Variants in SEC24B observed in about 807,000 individuals in gnomAD.
The protein encoded by SEC24B is SEC24 homolog B, COPII component, also known as protein transport protein Sec24B.
A neutral mutation model predicts 142.8 loss-of-function variants in SEC24B; 45 were observed. The ratio of observed to expected loss-of-function variants is 0.32; its 90% CI spans 0.25 to 0.40. The LOEUF (loss-of-function observed/expected upper bound fraction) is 0.40. Ranked by LOEUF, SEC24B falls within the 10% of genes least tolerant of loss-of-function variation. SEC24B has a pLI of 1.00. For synonymous variants in SEC24B, 574 were observed against 568.2 expected (o/e 1.01, Z -0.15); for missense variants, 1,409 against 1,526.8 (o/e 0.92, Z 1.29).
intron 2 of SEC24B, among the ~76,000 whole-genome samples, chr4:109,464,812 T>C (rs917369578): frequency 2.0e-5 from 3 of 152,234 alleles, no homozygotes; most frequent in Non-Finnish European, 4.4e-5. Context: ...GATCATCTAC[T>C]CTTTCATTGC....
chr4:109,450,012 C>T lies in SEC24B; in HGVS notation c.134-12889C>T, dbSNP rs569341125. Among the ~76,000 whole-genome samples the T allele has an allele frequency of 3.9e-5, 6 of 152,030 alleles. No individual in the cohort carries two copies. The South Asian group carries it at 1.0e-3, about 26-fold the overall frequency. ...GGAAGATTACTTGAGGCCAGGAGTT[C>T]GAGACCAGCCTGGCTAACATAGACC... is the stretch of plus-strand genomic sequence containing the variant. On this transcript the variant is annotated intron_variant, in intron 1 of 23. Transcript: ENST00000265175.
intron 1 of SEC24B, among the ~76,000 whole-genome samples, chr4:109,437,903 G>A (rs1261359296): frequency 6.6e-6 from 1 of 152,194 alleles, no homozygotes; most frequent in African/African-American, 2.4e-5. Context: ...GATTACAGAC[G>A]TGAGCCACCG....
chr4:109,537,607 A>T (rs1376188457), intron 22 of SEC24B, among the ~76,000 whole-genome samples: 9 of 152,196 alleles, frequency 5.9e-5, no homozygotes, highest in African/African-American at 1.9e-4. Flanking sequence ...GCACTTGTGT[A>T]CAGCCATTGC....
At chr4:109,443,704 T>C (rs1465025621) in intron 1 of SEC24B, among the ~76,000 whole-genome samples, 2 of 152,188 alleles carry the variant, frequency 1.3e-5, no homozygotes, top group Admixed American at 1.3e-4. Context: ...TGAACATGTG[T>C]TTCCTTCATA....
At chr4:109,442,898 G>A (rs1729071828) in intron 1 of SEC24B, among the ~76,000 whole-genome samples, 1 of 151,992 alleles carries the variant, frequency 6.6e-6, no homozygotes, top group South Asian at 2.1e-4. Context: ...TTTTTACTAG[G>A]TTTGGTAACC....
chr4:109,516,679 G>T (rs1184391413), intron 11 of SEC24B, 39 bp downstream of exon 11: 4 of 1,125,304 alleles, frequency 3.6e-6, no homozygotes, highest in Middle Eastern at 2.4e-4. Flanking sequence ...ATATGTGTAT[G>T]TTATATATAT....
At chr4:109,435,876 A>G (rs182476420) in intron 1 of SEC24B, among the ~76,000 whole-genome samples, 9 of 152,258 alleles carry the variant, frequency 5.9e-5, no homozygotes, top group South Asian at 2.1e-4. Flanking sequence ...GAGGGACTCG[A>G]CAGGTTGGGG....
chr4:109,510,528 A>G (rs2126046232), intron 8 of SEC24B, among the ~76,000 whole-genome samples: 1 of 152,276 alleles, frequency 6.6e-6, no homozygotes, highest in Non-Finnish European at 1.5e-5. Context: ...AAAGATTAGT[A>G]GTTTTGGAAG....
chr4:109,497,737 T>G (rs1424200475), intron 6 of SEC24B, among the ~76,000 whole-genome samples: 6 of 152,204 alleles, frequency 3.9e-5, no homozygotes, highest in Non-Finnish European at 5.9e-5. Flanking sequence ...GGGGTAACTT[T>G]CCAGTGTGGG....
intron 2 of SEC24B, among the ~76,000 whole-genome samples, chr4:109,466,821 T>C (rs1334805512): frequency 6.6e-6 from 1 of 152,240 alleles, no homozygotes; most frequent in Non-Finnish European, 1.5e-5. Context: ...TCAGTCATTT[T>C]ATAGAGTTGG....
intron 6 of SEC24B, among the ~76,000 whole-genome samples, chr4:109,506,127 A>C (rs1326980002): frequency 6.6e-6 from 1 of 152,186 alleles, no homozygotes; most frequent in East Asian, 1.9e-4. Flanking sequence ...TGCGAGGGTT[A>C]ACCTTGCTAA....
chr4:109,475,600 T>A (rs1733027702), intron 3 of SEC24B, among the ~76,000 whole-genome samples: 1 of 152,120 alleles, frequency 6.6e-6, no homozygotes, highest in South Asian at 2.1e-4. Flanking sequence ...AAATTTTTCA[T>A]CAAAAATTTA....
rs975941037 is a variant in SEC24B, at chr4:109,529,756, T to A, written c.3077-533T>A. On this transcript the variant is annotated intron_variant, in intron 18 of 23. Coordinates refer to ENST00000265175, the MANE Select transcript of SEC24B (RefSeq NM_006323.5). The stretch of plus-strand genomic sequence containing the variant: ...GGGGCTACATGTTTTGGGGTTTGTT[T>A]GTAGACAGGGTCTTGCTCTGTCGCC... 2.6e-5 allele frequency among the ~76,000 whole-genome samples: 4 copies of A among 152,202 alleles called. No individual in the cohort carries two copies. In the East Asian group the frequency reaches 7.7e-4, roughly 29 times the overall value.
intron 6 of SEC24B, among the ~76,000 whole-genome samples, chr4:109,496,481 T>C (rs778158398): frequency 6.6e-6 from 1 of 151,876 alleles, no homozygotes; most frequent in Non-Finnish European, 1.5e-5. Flanking sequence ...ACTAACCTTA[T>C]AGAAATTTTA....
intron 2 of SEC24B, among the ~76,000 whole-genome samples, chr4:109,468,937 A>C (rs1459820830): frequency 6.6e-6 from 1 of 152,078 alleles, no homozygotes; most frequent in Non-Finnish European, 1.5e-5. Flanking sequence ...CTACATACCT[A>C]ATCATATGTG....
At chr4:109,533,426 T>C (rs1458462035) in intron 21 of SEC24B, among the ~76,000 whole-genome samples, 167 bp from the exon 22 acceptor site, 1 of 152,220 alleles carries the variant, frequency 6.6e-6, no homozygotes, top group African/African-American at 2.4e-5. Context: ...AAAGACGATG[T>C]GAACCACTCT....
chr4:109,497,127 A>G (rs1055808055), intron 6 of SEC24B, among the ~76,000 whole-genome samples: 3 of 152,220 alleles, frequency 2.0e-5, no homozygotes, highest in African/African-American at 2.4e-5. Context: ...GTTATTGTCT[A>G]TGGCTGCTTT....
intron 3 of SEC24B, among the ~76,000 whole-genome samples, chr4:109,474,716 C>T (rs1026705091): frequency 1.1e-4 from 16 of 152,274 alleles, no homozygotes; most frequent in East Asian, 5.8e-4. Context: ...TGAGCCACCA[C>T]GCCCAGCCCC....
At chr4:109,478,059 A>C (rs1195009088) in intron 3 of SEC24B, among the ~76,000 whole-genome samples, 1 of 152,168 alleles carries the variant, frequency 6.6e-6, no homozygotes, top group Admixed American at 6.5e-5. Context: ...AGGTGGGTGG[A>C]TCATTTGAGG....
Sources: gnomAD v4.1 joint callset for allele counts (sites outside exome capture counted in the v4.1 genomes callset) on GRCh38, gnomAD v4.1.1 for gene constraint, MANE v1.5 for transcripts, NCBI Gene and HGNC (gene_info 2026-07-23, HGNC 2026-07-21) for gene names.